Variants in BCHE observed in about 807,000 individuals in gnomAD.
The protein encoded by BCHE is butyrylcholinesterase.
In BCHE, 48 loss-of-function variants were observed where a neutral mutation model predicts 51.3. The observed-to-expected ratio is 0.94, with a 90% CI of 0.74 to 1.19. The LOEUF is 1.19. Ranked by LOEUF, BCHE falls within the 50% of genes most tolerant of loss-of-function variation. The probability of loss-of-function intolerance (pLI) is 0.00; values close to 1 mark genes in which losing one functional copy is unlikely to be tolerated. For synonymous variants in BCHE, 251 were observed against 238.0 expected (o/e 1.05, Z -0.50); for missense variants, 847 against 708.2 (o/e 1.20, Z -2.23).
At chr3:165,835,808 T>C (rs966181936) in intron 1 of BCHE, among the ~76,000 whole-genome samples, 3 of 151,900 alleles carry the variant, frequency 2.0e-5, no homozygotes, top group African/African-American at 7.2e-5. Context: ...TGTGAATAAT[T>C]TGAACATTTA....
At chr3:165,792,959 T>A (rs1273161451) in intron 2 of BCHE, among the ~76,000 whole-genome samples, 1 of 152,196 alleles carries the variant, frequency 6.6e-6, no homozygotes, top group Admixed American at 6.5e-5. Context: ...CAAATACTTT[T>A]TCTCATTCTG....
intron 1 of BCHE, among the ~76,000 whole-genome samples, chr3:165,836,947 CAG>C (rs1314330251): frequency 1.3e-5 from 2 of 152,080 alleles, no homozygotes; most frequent in African/African-American, 4.8e-5. Flanking sequence ...ATTACTTTTA[CAG>C]AGAGATTCAA....
At chr3:165,829,230 T>C (rs1335643945) in intron 2 of BCHE, among the ~76,000 whole-genome samples, 1 of 152,086 alleles carries the variant, frequency 6.6e-6, no homozygotes, top group Non-Finnish European at 1.5e-5. Flanking sequence ...ACTAAGCATC[T>C]TTTTCTATAA....
At chr3:165,782,814 T>C (rs1162833470) in intron 3 of BCHE, among the ~76,000 whole-genome samples, 1 of 152,112 alleles carries the variant, frequency 6.6e-6, no homozygotes, top group Non-Finnish European at 1.5e-5. Flanking sequence ...TAGATGGCAG[T>C]CTCATTGCTA....
intron 2 of BCHE, among the ~76,000 whole-genome samples, chr3:165,808,870 GC>G (rs1713972730): frequency 6.6e-6 from 1 of 152,178 alleles, no homozygotes; most frequent in African/African-American, 2.4e-5. Flanking sequence ...CTTCTAAAGA[GC>G]CATTCATATC....
chr3:165,776,978 G>T (rs1259014596), intron 3 of BCHE, among the ~76,000 whole-genome samples: 3 of 151,440 alleles, frequency 2.0e-5, no homozygotes, highest in African/African-American at 7.3e-5. Flanking sequence ...ATAGAGAAGT[G>T]AAGATAAAAG....
intron 2 of BCHE, among the ~76,000 whole-genome samples, chr3:165,819,911 A>G (rs1158030085): frequency 1.3e-5 from 2 of 152,150 alleles, no homozygotes; most frequent in Non-Finnish European, 2.9e-5. Context: ...CATTCCTGAA[A>G]TTATTACTTT....
intron 2 of BCHE, among the ~76,000 whole-genome samples, chr3:165,800,719 T>C (rs1423078447): frequency 1.3e-5 from 2 of 152,046 alleles, no homozygotes; most frequent in Non-Finnish European, 2.9e-5. Context: ...AAATCCACAA[T>C]AAAGAAACTG....
intron 2 of BCHE, among the ~76,000 whole-genome samples, chr3:165,788,597 A>G (rs548181754): frequency 6.6e-6 from 1 of 152,224 alleles, no homozygotes; most frequent in East Asian, 1.9e-4. Context: ...CGATGGTCTG[A>G]TTCAGTACAG....
chr3:165,791,382 G>C (rs968297063), intron 2 of BCHE, among the ~76,000 whole-genome samples: 3 of 152,144 alleles, frequency 2.0e-5, no homozygotes, highest in Non-Finnish European at 4.4e-5. Flanking sequence ...ACTACAGATG[G>C]TTCAAGGTGA....
chr3:165,775,683 A>G (rs1226550340), intron 3 of BCHE, among the ~76,000 whole-genome samples: 1 of 151,836 alleles, frequency 6.6e-6, no homozygotes, highest in African/African-American at 2.4e-5. Flanking sequence ...ATTTTTTCCT[A>G]TGTGTCTTAT....
Position 165,772,986 on chromosome 3 carries a change from T to G in BCHE, c.*396A>C, listed in dbSNP as rs940537185. The G allele has an allele frequency of 1.2e-5, 2 of 165,350 alleles. No homozygotes were observed. The highest frequency in any genetic ancestry group is 2.6e-5 in the Non-Finnish European group (2 of 76,388). The allele number at this position is 165,350 out of a possible 1,614,324, so 10.2% of individuals were successfully genotyped here. On this transcript the variant is annotated 3_prime_UTR_variant, in exon 4 of 4. Coordinates refer to ENST00000264381, the MANE Select transcript of BCHE (RefSeq NM_000055.4). ...GGAAACATAATATTGTAAACTATGGTGTACAGTGTTTCAATATTTAATTCA... is the reference window on the plus strand; with the variant it reads ...GGAAACATAATATTGTAAACTATGGGGTACAGTGTTTCAATATTTAATTCA...
At position 165,829,548 on chromosome 3, in the gene BCHE, C is replaced by T. The variant is rs1255083217; in HGVS notation, c.1486G>A (p.Val496Met). 8 of 1,613,620 alleles carry T rather than the reference C, an allele frequency of 5.0e-6. No individual in the cohort carries two copies. The highest frequency in any genetic ancestry group is 6.8e-6 in the Non-Finnish European group (8 of 1,179,794). ...KAEEILSRSI[V>M]KRWANFAKYG... ...TTTGCAAAATTTGCCCACCGTTTCACTATGGATCTACTCAAAATTTCCTCG... is the reference window on the plus strand; with the variant it reads ...TTTGCAAAATTTGCCCACCGTTTCATTATGGATCTACTCAAAATTTCCTCG... Residue 496 changes from valine (V) to methionine (M), a missense_variant, in exon 2 of 4, where the codon GTG (valine) becomes ATG (methionine). Val to Met is a conservative substitution (Grantham distance 21). Transcript: ENST00000264381.
chr3:165,793,571 A>T (rs1487837688), intron 2 of BCHE, among the ~76,000 whole-genome samples: 1 of 152,230 alleles, frequency 6.6e-6, no homozygotes, highest in Non-Finnish European at 1.5e-5. Flanking sequence ...ATGTGTGGTT[A>T]CCTCTTCGTC....
chr3:165,818,713 GAAC>G (rs1216614971), intron 2 of BCHE, among the ~76,000 whole-genome samples: 3 of 152,020 alleles, frequency 2.0e-5, no homozygotes, highest in Non-Finnish European at 4.4e-5. Flanking sequence ...TTAGTGAAAA[GAAC>G]AACAATACCA....
At chr3:165,794,685 G>C (rs1713302789) in intron 2 of BCHE, among the ~76,000 whole-genome samples, 1 of 152,040 alleles carries the variant, frequency 6.6e-6, no homozygotes, top group African/African-American at 2.4e-5. Flanking sequence ...CATCACATTG[G>C]GAGTTAGTAT....
At chr3:165,805,464 T>G (rs944211606) in intron 2 of BCHE, among the ~76,000 whole-genome samples, 8 of 152,178 alleles carry the variant, frequency 5.3e-5, no homozygotes, top group African/African-American at 1.7e-4. Flanking sequence ...ACTGCTAGGT[T>G]ACACAAACCT....
chr3:165,812,349 T>C (rs1326598657), intron 2 of BCHE, among the ~76,000 whole-genome samples: 1 of 151,900 alleles, frequency 6.6e-6, no homozygotes, highest in African/African-American at 2.4e-5. Context: ...TCACACAGTT[T>C]ATCAAGTATT....
chr3:165,800,825 CAG>C (rs1256302998), intron 2 of BCHE, among the ~76,000 whole-genome samples: 4 of 152,022 alleles, frequency 2.6e-5, no homozygotes, highest in Non-Finnish European at 4.4e-5. Context: ...TAACAGTAAA[CAG>C]AACCTGTAAG....
Sources: gnomAD v4.1 joint callset for allele counts (sites outside exome capture counted in the v4.1 genomes callset) on GRCh38, gnomAD v4.1.1 for gene constraint, MANE v1.5 for transcripts, NCBI Gene and HGNC (gene_info 2026-07-23, HGNC 2026-07-21) for gene names.